CTNNBL1: variants seen among roughly 807,000 people sequenced by gnomAD.
CTNNBL1 encodes catenin beta like 1, also known as beta-catenin-like protein 1.
A neutral mutation model predicts 72.7 loss-of-function variants in CTNNBL1; 31 were observed. That is an observed-to-expected ratio of 0.43 (90% CI 0.32 to 0.58). The LOEUF is 0.58. CTNNBL1 is among the 20% of genes least tolerant of loss of function. The pLI is 0.08. For missense variants in CTNNBL1, 534 were observed against 725.1 expected, an observed-to-expected ratio of 0.74 and a Z score of 3.03; for synonymous variants, 240 against 267.3, an observed-to-expected ratio of 0.90 and a Z score of 1.00.
intron 10 of CTNNBL1, among the ~76,000 whole-genome samples, chr20:37,791,366 G>C (rs1042381400): frequency 6.6e-6 from 1 of 152,218 alleles, no homozygotes; most frequent in African/African-American, 2.4e-5. Flanking sequence ...TTCCACAGCA[G>C]TGTGTGAGAG....
At chr20:37,828,074 T>C (rs55790186) in intron 11 of CTNNBL1, among the ~76,000 whole-genome samples, 2,045 of 152,318 alleles carry the variant, frequency 0.013, 40 homozygotes, top group African/African-American at 0.047. Flanking sequence ...TACACCTTTT[T>C]ATACATACGT....
At chr20:37,813,320 A>G (rs2072028388) in intron 11 of CTNNBL1, among the ~76,000 whole-genome samples, 1 of 152,200 alleles carries the variant, frequency 6.6e-6, no homozygotes, top group South Asian at 2.1e-4. Flanking sequence ...GACAGTGTTG[A>G]GGACGGTACT....
intron 13 of CTNNBL1, among the ~76,000 whole-genome samples, chr20:37,844,968 C>G (rs1235183667): frequency 6.6e-6 from 1 of 152,042 alleles, no homozygotes; most frequent in Non-Finnish European, 1.5e-5. Flanking sequence ...AACAAAACAC[C>G]TCGCGTTAAA....
chr20:37,802,421 CTG>C (rs750713170), intron 10 of CTNNBL1, among the ~76,000 whole-genome samples: 2 of 152,086 alleles, frequency 1.3e-5, no homozygotes. Context: ...TTATAATTGA[CTG>C]TGGTGGTAGC....
intron 1 of CTNNBL1, among the ~76,000 whole-genome samples, chr20:37,724,825 A>C (rs2073069323): frequency 6.6e-6 from 1 of 151,992 alleles, no homozygotes; most frequent in African/African-American, 2.4e-5. Flanking sequence ...AATAATAGAT[A>C]GTAATTTATT....
intron 3 of CTNNBL1, among the ~76,000 whole-genome samples, chr20:37,740,976 C>G (rs755209862): frequency 6.6e-6 from 1 of 152,280 alleles, no homozygotes; most frequent in East Asian, 1.9e-4. Context: ...TAGGACTTAC[C>G]AATTTCTGTG....
At position 37,743,587 on chromosome 20, in the gene CTNNBL1, A is replaced by T. The variant is rs150594902; in HGVS notation, c.327-2881A>T. On this transcript the variant is annotated intron_variant, in intron 3 of 15. Transcript: ENST00000361383. ...CAGTAACACACATAAAACATACTATAAAGCTATAACAATGTGGAAGTGTGG... is the reference window on the plus strand; with the variant it reads ...CAGTAACACACATAAAACATACTATTAAGCTATAACAATGTGGAAGTGTGG... Among the ~76,000 whole-genome samples, 77 of 152,338 alleles carry T rather than the reference A, an allele frequency of 5.1e-4. 1 individual carries two copies. In the East Asian group the frequency reaches 0.011, roughly 22 times the overall value.
At chr20:37,727,583 G>A (rs995672735) in intron 1 of CTNNBL1, among the ~76,000 whole-genome samples, 4 of 152,254 alleles carry the variant, frequency 2.6e-5, no homozygotes, top group Non-Finnish European at 4.4e-5. Flanking sequence ...CTCTAGTCCT[G>A]TGGGCAGCAG....
At chr20:37,791,156 G>A (rs185215511) in intron 10 of CTNNBL1, among the ~76,000 whole-genome samples, 29 of 152,272 alleles carry the variant, frequency 1.9e-4, no homozygotes, top group Non-Finnish European at 2.6e-4. Flanking sequence ...TTATTCACTT[G>A]TTGAAGGATA....
intron 10 of CTNNBL1, among the ~76,000 whole-genome samples, chr20:37,789,874 C>G (rs1029742916): frequency 1.3e-5 from 2 of 152,114 alleles, no homozygotes; most frequent in African/African-American, 2.4e-5. Context: ...GCTGTAAAAC[C>G]CTGTTCCAGT....
intron 7 of CTNNBL1, among the ~76,000 whole-genome samples, chr20:37,772,254 C>A (rs940321023): frequency 1.3e-5 from 2 of 152,244 alleles, no homozygotes; most frequent in Non-Finnish European, 2.9e-5. Context: ...ATCAGCATCA[C>A]CTAGTGCCTT....
chr20:37,840,852 A>C (rs2072298126), intron 12 of CTNNBL1, among the ~76,000 whole-genome samples: 1 of 151,940 alleles, frequency 6.6e-6, no homozygotes, highest in Non-Finnish European at 1.5e-5. Flanking sequence ...ATGAGATTAG[A>C]TGGATCGGGC....
chr20:37,831,519 C>A (rs190123473), intron 11 of CTNNBL1, among the ~76,000 whole-genome samples: 24 of 152,190 alleles, frequency 1.6e-4, no homozygotes, highest in Non-Finnish European at 4.4e-5. Flanking sequence ...GTGCCCGCCA[C>A]CACGCCCAGC....
At chr20:37,851,788 G>A (rs2072399373) in intron 13 of CTNNBL1, among the ~76,000 whole-genome samples, 2 of 152,334 alleles carry the variant, frequency 1.3e-5, no homozygotes, top group Admixed American at 1.3e-4. Flanking sequence ...CACGGTGACT[G>A]GCGCTTAGTA....
At chr20:37,791,624 C>T (rs1337470471) in intron 10 of CTNNBL1, among the ~76,000 whole-genome samples, 1 of 152,028 alleles carries the variant, frequency 6.6e-6, no homozygotes, top group Non-Finnish European at 1.5e-5. Flanking sequence ...CCCCCTCAGC[C>T]CCAGAATGCA....
At chr20:37,751,477 T>A (rs1161763991) in intron 4 of CTNNBL1, 5 of 152,238 alleles carry the variant, frequency 3.3e-5, no homozygotes, top group Non-Finnish European at 7.3e-5. Context: ...AGTTTTCTTC[T>A]GATTCTAGAA....
intron 11 of CTNNBL1, among the ~76,000 whole-genome samples, chr20:37,803,612 C>T (rs1375551701): frequency 2.0e-5 from 3 of 152,220 alleles, no homozygotes; most frequent in African/African-American, 7.2e-5. Context: ...TGGCCTGCTG[C>T]AGCCCTCTCC....
intron 15 of CTNNBL1, among the ~76,000 whole-genome samples, chr20:37,862,332 A>G (rs1470947206): frequency 2.0e-5 from 3 of 152,164 alleles, no homozygotes; most frequent in Non-Finnish European, 2.9e-5. Context: ...CAGCTCTACT[A>G]TCTTGCATTG....
chr20:37,761,819 G>A (rs2073420077), intron 5 of CTNNBL1, among the ~76,000 whole-genome samples: 1 of 152,236 alleles, frequency 6.6e-6, no homozygotes, highest in African/African-American at 2.4e-5. Flanking sequence ...CTGAGTTCTG[G>A]AAGAAACCAG....
Sources: allele counts gnomAD v4.1 joint callset (sites outside exome capture counted in the v4.1 genomes callset), GRCh38; gene constraint gnomAD v4.1.1; transcripts MANE v1.5; gene names NCBI Gene and HGNC (gene_info 2026-07-23, HGNC 2026-07-21).